UBE2QL1: variants seen among roughly 807,000 people sequenced by gnomAD.
UBE2QL1 encodes the protein ubiquitin conjugating enzyme E2 QL1, also known as ubiquitin-conjugating enzyme E2Q-like protein 1.
A neutral mutation model predicts 12.6 loss-of-function variants in UBE2QL1; 5 were observed. That is an observed-to-expected ratio of 0.40 (90% CI 0.21 to 0.83). UBE2QL1 has a LOEUF of 0.83. UBE2QL1 is among the 40% of genes least tolerant of loss of function. UBE2QL1 has a pLI of 0.37. For synonymous variants in UBE2QL1, 96 were observed against 94.5 expected, an observed-to-expected ratio of 1.02 and a Z score of -0.10; for missense variants, 99 against 222.6, an observed-to-expected ratio of 0.44 and a Z score of 3.53.
chr5:6,459,657 A>C (rs1210198094), intron 1 of UBE2QL1, among the ~76,000 whole-genome samples: 1 of 152,286 alleles, frequency 6.6e-6, no homozygotes, highest in Admixed American at 6.5e-5. Flanking sequence ...AAAATAAATT[A>C]AAAAGCACTT....
Position 6,479,474 on chromosome 5 carries a change from G to A in UBE2QL1, c.355-11744G>A, listed in dbSNP as rs2126362494. On this transcript the variant is annotated intron_variant, in intron 1 of 1. Coordinates refer to ENST00000399816, the MANE Select transcript of UBE2QL1 (RefSeq NM_001145161.3). The surrounding 1 kb of genome is among the most constrained non-coding windows in gnomAD (Gnocchi z 4.2). ...TGGGGGGTCTCTGGGGCTAGTCAGGGAAATGTGTGCCTTAATGGAGCCAAG... is the reference window on the plus strand; with the variant it reads ...TGGGGGGTCTCTGGGGCTAGTCAGGAAAATGTGTGCCTTAATGGAGCCAAG... Among the ~76,000 whole-genome samples, 1 of 152,302 alleles carries A rather than the reference G, an allele frequency of 6.6e-6. No individual in the cohort carries two copies. The highest frequency in any genetic ancestry group is 2.1e-4 in the South Asian group (1 of 4,824).
At chr5:6,463,643 T>A (rs113464610) in intron 1 of UBE2QL1, among the ~76,000 whole-genome samples, 105 of 87,174 alleles carry the variant, frequency 1.2e-3, no homozygotes, top group Admixed American at 1.5e-3. Context: ...TATTATTATT[T>A]TTGATGCGGA....
At position 6,461,125 on chromosome 5, in the gene UBE2QL1, C is replaced by T. The variant is rs548206556; in HGVS notation, c.354+11878C>T. ...TTAAGAGAAACCTAGCTGAAATATT[C>T]GACCTGCAGGACTAGCCAAGTTTCT... On this transcript the variant is annotated intron_variant, in intron 1 of 1. Transcript: ENST00000399816. Among the ~76,000 whole-genome samples, 4 of 152,266 alleles carry T rather than the reference C, an allele frequency of 2.6e-5. No individual in the cohort carries two copies. The South Asian group carries it at 6.2e-4, about 24-fold the overall frequency.
At chr5:6,455,472 T>C (rs1415347614) in intron 1 of UBE2QL1, among the ~76,000 whole-genome samples, 2 of 152,134 alleles carry the variant, frequency 1.3e-5, no homozygotes, top group Non-Finnish European at 2.9e-5. Context: ...GATGTGTTGA[T>C]GTAGTCGGGA....
intron 1 of UBE2QL1, among the ~76,000 whole-genome samples, chr5:6,463,042 C>T (rs1480761634): frequency 6.6e-6 from 1 of 152,120 alleles, no homozygotes; most frequent in East Asian, 1.9e-4. Flanking sequence ...GACTCTTTTC[C>T]TTTCTTTTGA....
At chr5:6,449,300 C>A (rs1220218220) in intron 1 of UBE2QL1, 53 bp downstream of exon 1, 3 of 1,301,752 alleles carry the variant, frequency 2.3e-6, no homozygotes, top group Non-Finnish European at 2.9e-6. Context: ...GGGTCTGCAG[C>A]GCCGCCGGGC....
In UBE2QL1 at chr5:6,482,233, C is replaced by A. The variant is rs542111503; in HGVS notation, c.355-8985C>A. Among the ~76,000 whole-genome samples the A allele has an allele frequency of 1.4e-3, 207 of 152,296 alleles. 1 individual carries two copies. Among genetic ancestry groups the A allele is most frequent in the Middle Eastern group, 3.4e-3 (1 of 294 alleles). On this transcript the variant is annotated intron_variant, in intron 1 of 1. Transcript: ENST00000399816. ...TCCTGGAGCAGACCCTCCCCTGGGCCCTCATCTCCATGTCAGACTTCTGGC... is the reference window on the plus strand; with the variant it reads ...TCCTGGAGCAGACCCTCCCCTGGGCACTCATCTCCATGTCAGACTTCTGGC...
intron 1 of UBE2QL1, among the ~76,000 whole-genome samples, chr5:6,468,458 G>A (rs542111582): frequency 2.6e-5 from 4 of 152,322 alleles, no homozygotes; most frequent in East Asian, 3.9e-4. Flanking sequence ...ACACTCAGGC[G>A]GGACAACAGA....
At chr5:6,457,983 A>G (rs2126329214) in intron 1 of UBE2QL1, among the ~76,000 whole-genome samples, 1 of 152,372 alleles carries the variant, frequency 6.6e-6, no homozygotes, top group South Asian at 2.1e-4. Context: ...ATTCATCATA[A>G]GCTCCTTGTA....
At chr5:6,451,388 G>T (rs1389464985) in intron 1 of UBE2QL1, among the ~76,000 whole-genome samples, 1 of 152,146 alleles carries the variant, frequency 6.6e-6, no homozygotes, top group Non-Finnish European at 1.5e-5. Flanking sequence ...AAAATACACG[G>T]GTCCTTGTAA....
rs142961415 is a variant in UBE2QL1 at position 6,488,013 on chromosome 5, C to T, written c.355-3205C>T. On this transcript the variant is annotated intron_variant, in intron 1 of 1. Transcript: ENST00000399816. ...AGCATTTCACTGTGTCGTATTTAAA[C>T]AGCCAGTCAGAAGATGAACCTATGA... 8.4e-3 allele frequency among the ~76,000 whole-genome samples: 1,285 copies of T among 152,286 alleles called. 12 individuals are homozygous for T. The highest frequency in any genetic ancestry group is 0.017 in the Middle Eastern group (5 of 294).
At chr5:6,469,499 AT>A (rs1179475205) in intron 1 of UBE2QL1, among the ~76,000 whole-genome samples, 3 of 147,672 alleles carry the variant, frequency 2.0e-5, no homozygotes, top group Admixed American at 6.8e-5. Flanking sequence ...TTATATATAT[AT>A]TTTTTATATA....
chr5:6,461,537 C>T lies in UBE2QL1; in HGVS notation c.354+12290C>T, dbSNP rs1193624769. On this transcript the variant is annotated intron_variant, in intron 1 of 1. Transcript: ENST00000399816. Reference sequence around the variant, plus strand: ...CTCCTATCCCCAGTGTTTTTCAGCACCCACCACCCCCCCCCGCCGGCATAT... The same window carrying T: ...CTCCTATCCCCAGTGTTTTTCAGCATCCACCACCCCCCCCCGCCGGCATAT... Among the ~76,000 whole-genome samples, 3 of 52,978 alleles carry T rather than the reference C, an allele frequency of 5.7e-5. 1 individual carries two copies. Among genetic ancestry groups the T allele is most frequent in the Non-Finnish European group, 1.2e-4 (3 of 24,102 alleles). 34.8% of individuals were successfully genotyped at this position (52,978 alleles called of 152,430 possible).
intron 1 of UBE2QL1, among the ~76,000 whole-genome samples, chr5:6,456,155 G>A (rs567044145): frequency 9.8e-5 from 15 of 152,324 alleles, no homozygotes; most frequent in East Asian, 3.9e-4. Flanking sequence ...CACAGGGAAC[G>A]TACCCTCTAA....
At position 6,455,586 on chromosome 5, in the gene UBE2QL1, A is replaced by G. The variant is rs186647161; in HGVS notation, c.354+6339A>G. On this transcript the variant is annotated intron_variant, in intron 1 of 1. Coordinates refer to ENST00000399816, the MANE Select transcript of UBE2QL1 (RefSeq NM_001145161.3). ...CCCTGAGGAGTGTGCAGATTATTTC[A>G]GTACCAGGGCTGTCCCCTCAAAGAC... Among the ~76,000 whole-genome samples the G allele has an allele frequency of 4.0e-3, 606 of 152,218 alleles. 4 individuals are homozygous for G. The highest frequency in any genetic ancestry group is 0.014 in the African/African-American group (589 of 41,528).
At chr5:6,453,022 T>C (rs1387380637) in intron 1 of UBE2QL1, among the ~76,000 whole-genome samples, 1 of 152,318 alleles carries the variant, frequency 6.6e-6, no homozygotes, top group Non-Finnish European at 1.5e-5. Flanking sequence ...TCCTGGCCCC[T>C]CAGAGCCAAC....
At chr5:6,472,979 CT>C in intron 1 of UBE2QL1, among the ~76,000 whole-genome samples, 1 of 152,324 alleles carries the variant, frequency 6.6e-6, no homozygotes, top group East Asian at 1.9e-4. Flanking sequence ...GCAGTAAACA[CT>C]TTTCTTGGCC....
rs1275696498 is a variant in UBE2QL1, at chr5:6,448,952, T to C, written c.59T>C (p.Val20Ala). 7 of 1,548,250 alleles carry C rather than the reference T, an allele frequency of 4.5e-6. No individual in the cohort carries two copies. Among genetic ancestry groups the C allele is most frequent in the Non-Finnish European group, 6.1e-6 (7 of 1,145,732 alleles). Residue 20 changes from valine (V) to alanine (A), a missense_variant, in exon 1 of 2, where the codon GTG (valine) becomes GCG (alanine). Transcript: ENST00000399816. ...LSDRFISVEL[V>A]DESLFDWNVK... Reference sequence around the variant, plus strand: ...GACCGCTTCATCTCCGTGGAGCTGGTGGACGAGAGCCTGTTCGACTGGAAC... The same window carrying C: ...GACCGCTTCATCTCCGTGGAGCTGGCGGACGAGAGCCTGTTCGACTGGAAC...
intron 1 of UBE2QL1, among the ~76,000 whole-genome samples, chr5:6,489,374 C>T (rs113109331): frequency 0.19 from 29,461 of 151,262 alleles, 6,319 homozygotes; most frequent in African/African-American, 0.53. Flanking sequence ...CTGTGAGCTA[C>T]GATCGCGCCA....
Sources: allele counts gnomAD v4.1 joint callset (sites outside exome capture counted in the v4.1 genomes callset), GRCh38; gene constraint gnomAD v4.1.1; non-coding constraint Gnocchi (gnomAD v3.1); transcripts MANE v1.5; gene names NCBI Gene and HGNC (gene_info 2026-07-23, HGNC 2026-07-21).